PCDH15: variants seen among roughly 807,000 people sequenced by gnomAD.
The protein encoded by PCDH15 is protocadherin-15.
A neutral mutation model predicts 178.5 loss-of-function variants in PCDH15; 129 were observed. That is an observed-to-expected ratio of 0.72 (90% CI 0.63 to 0.84). PCDH15 has a LOEUF of 0.84. Among genes scored for constraint, PCDH15 ranks in the 40% least tolerant of loss-of-function variants. The pLI is 0.00. For missense variants in PCDH15, 2,230 were observed against 2,099.9 expected (o/e 1.06, Z -1.21); for synonymous variants, 800 against 732.0 (o/e 1.09, Z -1.50).
chr10:54,731,537 G>GATATATATATATATATA (rs1180926059), intron 1 of PCDH15, among the ~76,000 whole-genome samples: 5 of 17,938 alleles, frequency 2.8e-4, no homozygotes, highest in Non-Finnish European at 7.7e-4. Context: ...TAAAGAAAAT[G>GATATATATATATATATA]TGAGATAGAT....
intron 3 of PCDH15, among the ~76,000 whole-genome samples, chr10:54,852,336 C>T (rs1302891031): frequency 5.3e-5 from 8 of 152,042 alleles, no homozygotes; most frequent in Non-Finnish European, 1.2e-4. Flanking sequence ...CTGTCCCTTT[C>T]AGTAATATAT....
chr10:55,614,722 A>G (rs1014776584), intron 2 of PCDH15, among the ~76,000 whole-genome samples: 1 of 152,166 alleles, frequency 6.6e-6, no homozygotes, highest in African/African-American at 2.4e-5. Flanking sequence ...GGTATGATCA[A>G]CTTCAAACCA....
chr10:55,601,625 A>G (rs114185810), intron 2 of PCDH15, among the ~76,000 whole-genome samples: 3,451 of 152,266 alleles, frequency 0.023, 135 homozygotes, highest in African/African-American at 0.079. Context: ...ATATTATGAC[A>G]ATGATATAAA....
At chr10:55,135,912 T>C (rs1838183673) in intron 2 of PCDH15, among the ~76,000 whole-genome samples, 1 of 152,106 alleles carries the variant, frequency 6.6e-6, no homozygotes, top group African/African-American at 2.4e-5. Context: ...TCTTGTTGAA[T>C]TTGTATATAG....
At chr10:55,573,341 A>G (rs2132112079) in intron 2 of PCDH15, among the ~76,000 whole-genome samples, 1 of 152,262 alleles carries the variant, frequency 6.6e-6, no homozygotes, top group South Asian at 2.1e-4. Flanking sequence ...CTTATATTCC[A>G]GCAGCCACTT....
chr10:54,662,775 C>T (rs921728919), intron 2 of PCDH15, among the ~76,000 whole-genome samples: 3 of 151,900 alleles, frequency 2.0e-5, no homozygotes, highest in East Asian at 1.9e-4. Flanking sequence ...AAATAGAATG[C>T]CTTATTATAT....
intron 2 of PCDH15, among the ~76,000 whole-genome samples, chr10:55,136,499 A>G (rs1564827394): frequency 6.6e-6 from 1 of 152,114 alleles, no homozygotes; most frequent in Non-Finnish European, 1.5e-5. Flanking sequence ...AAAAAAGAGT[A>G]TTATAGAAGA....
chr10:54,601,786 A>G (rs2092547860), intron 2 of PCDH15, among the ~76,000 whole-genome samples: 1 of 152,078 alleles, frequency 6.6e-6, no homozygotes, highest in Non-Finnish European at 1.5e-5. Context: ...ACGGAATTCT[A>G]TGCAGTCATA....
intron 2 of PCDH15, among the ~76,000 whole-genome samples, chr10:54,952,871 T>A (rs184079854): frequency 1.3e-5 from 2 of 151,610 alleles, no homozygotes; most frequent in East Asian, 3.9e-4. Context: ...TATATTCACA[T>A]ATAGTTTCAG....
At chr10:55,341,805 ATTTTTTTTTTT>A (rs869187882) in intron 2 of PCDH15, among the ~76,000 whole-genome samples, 481 of 15,702 alleles carry the variant, frequency 0.031, 5 homozygotes, top group South Asian at 0.054. Flanking sequence ...ATATATATAT[ATTTTTTTTTTT>A]TTTTTTTTTT....
At chr10:53,878,212 T>G (rs1379411128) in intron 26 of PCDH15, among the ~76,000 whole-genome samples, 1 of 29,744 alleles carries the variant, frequency 3.4e-5, no homozygotes, top group East Asian at 3.4e-3. Flanking sequence ...CACACACACT[T>G]TGAATATATA....
chr10:54,041,749 A>G (rs1038277541), intron 18 of PCDH15, among the ~76,000 whole-genome samples: 14 of 152,134 alleles, frequency 9.2e-5, no homozygotes, highest in Admixed American at 9.2e-4. Flanking sequence ...TGTGGGTTCA[A>G]AAAGGAAATG....
At chr10:55,218,249 C>T (rs188183280) in intron 1 of PCDH15, among the ~76,000 whole-genome samples, 9 of 152,112 alleles carry the variant, frequency 5.9e-5, no homozygotes, top group Admixed American at 1.3e-4. Flanking sequence ...TTAACAAACT[C>T]CAAAGGCCAC....
chr10:55,421,347 A>G (rs1838616778), intron 2 of PCDH15, among the ~76,000 whole-genome samples: 1 of 150,730 alleles, frequency 6.6e-6, no homozygotes, highest in African/African-American at 2.4e-5. Flanking sequence ...TTTATAAATA[A>G]TATTTTATTT....
chr10:54,583,029 G>C (rs1034497118), intron 2 of PCDH15, among the ~76,000 whole-genome samples: 1 of 15,010 alleles, frequency 6.7e-5, no homozygotes, highest in Non-Finnish European at 3.8e-4. Flanking sequence ...TATACAATCT[G>C]AGCTTTTTGA....
rs186937546 is a variant in PCDH15 at position 53,968,364 on chromosome 10, C to T, written c.2869-6472G>A. On this transcript the variant is annotated intron_variant, in intron 21 of 37. Transcript: ENST00000644397. ...AACAAAGTGGACAGGAAGCTCGAAC[C>T]GGGTGGAGCCCACCACAGCTCAAGG... Among the ~76,000 whole-genome samples, 1,206 of 152,256 alleles carry T rather than the reference C, an allele frequency of 7.9e-3. 15 individuals are homozygous for T. The highest frequency in any genetic ancestry group is 0.027 in the African/African-American group (1,142 of 41,552).
At chr10:53,892,020 GTT>G (rs869122093) in intron 26 of PCDH15, among the ~76,000 whole-genome samples, 1,475 of 91,832 alleles carry the variant, frequency 0.016, 34 homozygotes, top group African/African-American at 0.06. Flanking sequence ...TTACATCTAT[GTT>G]TTTTTTTTTT....
At chr10:54,790,309 C>T in intron 1 of PCDH15, among the ~76,000 whole-genome samples, 1 of 151,502 alleles carries the variant, frequency 6.6e-6, no homozygotes, top group East Asian at 1.9e-4. Flanking sequence ...ATTAAAAATC[C>T]ACACACACAT....
rs149835940 is a variant in PCDH15, at chr10:54,843,166, T to C, written c.-29+54284A>G. Among the ~76,000 whole-genome samples, 78 of 152,008 alleles carry C rather than the reference T, an allele frequency of 5.1e-4. 1 individual carries two copies. The highest frequency in any genetic ancestry group is 1.1e-3 in the African/African-American group (46 of 41,552). ...CAATCTTAATAAAGCATTCTTTTCA[T>C]TGTTGTTGTATCGTTTGGCTTCATG... On this transcript the variant is annotated intron_variant, in intron 3 of 5. Coordinates refer to the PCDH15 transcript ENST00000458638.
Sources: allele counts gnomAD v4.1 joint callset (sites outside exome capture counted in the v4.1 genomes callset), GRCh38; gene constraint gnomAD v4.1.1; transcripts MANE v1.5; gene names NCBI Gene and HGNC (gene_info 2026-07-23, HGNC 2026-07-21).